Variants in TRDN observed in about 807,000 individuals in gnomAD.
TRDN encodes triadin in skeletal muscle.
In TRDN, 161 loss-of-function variants were observed where a neutral mutation model predicts 149.7. That is an observed-to-expected ratio of 1.08 (90% CI 0.95 to 1.23). TRDN has a LOEUF of 1.23. Among genes scored for constraint, TRDN ranks in the 50% most tolerant of loss-of-function variants. TRDN has a pLI of 0.00. For synonymous variants in TRDN, 294 were observed against 250.5 expected, an observed-to-expected ratio of 1.17 and a Z score of -1.64; for missense variants, 896 against 823.5, an observed-to-expected ratio of 1.09 and a Z score of -1.08.
intron 12 of TRDN, among the ~76,000 whole-genome samples, chr6:123,409,183 T>C (rs1283203740): frequency 6.6e-6 from 1 of 152,176 alleles, no homozygotes; most frequent in African/African-American, 2.4e-5. Context: ...TATCATATAG[T>C]CACTTAGTGA....
intron 7 of TRDN, among the ~76,000 whole-genome samples, chr6:123,510,874 C>G (rs879739128): frequency 6.6e-6 from 1 of 152,106 alleles, no homozygotes; most frequent in South Asian, 2.1e-4. Flanking sequence ...GAATTCCTGA[C>G]CTCAAGTGAT....
rs112648536 is a variant in TRDN, at chr6:123,430,218, C to T, written c.1051+7845G>A. Reference sequence around the variant, plus strand: ...CCAGGAGGTTGAGGCAGCAGTGAGGCGAGATTACACTACTGCATTAAAGCC... The same window carrying T: ...CCAGGAGGTTGAGGCAGCAGTGAGGTGAGATTACACTACTGCATTAAAGCC... On this transcript the variant is annotated intron_variant, in intron 12 of 40. Coordinates refer to ENST00000334268, the MANE Select transcript of TRDN (RefSeq NM_006073.4). Among the ~76,000 whole-genome samples the T allele has an allele frequency of 3.0e-3, 453 of 151,648 alleles. 1 individual carries two copies. The highest frequency in any genetic ancestry group is 0.011 in the African/African-American group (440 of 41,292).
At position 123,265,814 on chromosome 6, in the gene TRDN, C is replaced by T. The variant is rs140078922; in HGVS notation, c.1784-476G>A. Among the ~76,000 whole-genome samples the T allele has an allele frequency of 3.2e-3, 436 of 134,628 alleles. 2 individuals carry two copies. The highest frequency in any genetic ancestry group is 0.011 in the African/African-American group (406 of 35,790). The allele number at this position is 134,628 out of a possible 152,430, so 88.3% of individuals were successfully genotyped here. On this transcript the variant is annotated intron_variant, in intron 32 of 40. Transcript: ENST00000334268. ...ATCCCGTATGTTGAACAATAAGGTT[C>T]CTTTATAAAATCTCAAGAATGAATG...
rs75123491 is a variant in TRDN, at chr6:123,255,202, G to A, written c.1907-77C>T. On this transcript the variant is annotated intron_variant, in intron 36 of 40. Transcript: ENST00000334268. ...CATCAAAATTTTGTCTCACATCAAC[G>A]AATGAGGATAATTTAAGTGTTATAA... The A allele has an allele frequency of 6.3e-3, 4,108 of 649,822 alleles. 123 individuals carry two copies. The East Asian group carries it at 0.078, about 12-fold the overall frequency. 40.3% of individuals were successfully genotyped at this position (649,822 alleles called of 1,614,324 possible).
At chr6:123,629,590 C>T (rs1466774774) in intron 1 of TRDN, among the ~76,000 whole-genome samples, 2 of 152,090 alleles carry the variant, frequency 1.3e-5, no homozygotes, top group African/African-American at 4.8e-5. Context: ...AAACCACATG[C>T]CCTAGCTTCT....
chr6:123,416,894 G>T (rs6901820), intron 12 of TRDN, among the ~76,000 whole-genome samples: 18 of 151,884 alleles, frequency 1.2e-4, no homozygotes, highest in African/African-American at 4.3e-4. Context: ...ATAGAGATGG[G>T]GCTTCACCAT....
chr6:123,224,244 CA>C (rs1775271729), intron 38 of TRDN, 113 bp from the exon 39 acceptor site: 1 of 930,798 alleles, frequency 1.1e-6, no homozygotes, highest in African/African-American at 1.7e-5. Context: ...TCTACAAACT[CA>C]GCATCTACAG....
intron 10 of TRDN, chr6:123,439,708 A>G (rs940611496): frequency 2.0e-5 from 3 of 152,244 alleles, no homozygotes; most frequent in Admixed American, 6.5e-5. Context: ...CTGAGGGAGC[A>G]AAGACAGAGA....
chr6:123,601,011 A>G (rs969903210), intron 1 of TRDN, among the ~76,000 whole-genome samples: 1 of 152,126 alleles, frequency 6.6e-6, no homozygotes, highest in Non-Finnish European at 1.5e-5. Flanking sequence ...TTGGAAAAAC[A>G]TACATGTTGT....
chr6:123,478,597 AC>A (rs1045024928), intron 9 of TRDN, among the ~76,000 whole-genome samples: 1 of 152,070 alleles, frequency 6.6e-6, no homozygotes, highest in Non-Finnish European at 1.5e-5. Context: ...TAGTACAAAG[AC>A]CAAAGCTGAT....
chr6:123,559,971 C>T (rs1172594518), intron 2 of TRDN, among the ~76,000 whole-genome samples: 1 of 152,192 alleles, frequency 6.6e-6, no homozygotes, highest in African/African-American at 2.4e-5. Context: ...CAGCGAATTA[C>T]CTGGGCTGTA....
intron 4 of TRDN, among the ~76,000 whole-genome samples, chr6:123,535,182 T>C (rs1244397281): frequency 6.6e-6 from 1 of 152,144 alleles, no homozygotes; most frequent in Non-Finnish European, 1.5e-5. Flanking sequence ...GGAAAAAAAG[T>C]TACAATTATC....
chr6:123,237,528 G>A (rs878911253), intron 38 of TRDN, among the ~76,000 whole-genome samples: 5 of 152,288 alleles, frequency 3.3e-5, no homozygotes, highest in African/African-American at 7.2e-5. Context: ...GATTACAGGC[G>A]TGAGCCACTG....
At chr6:123,254,604 T>C (rs1776489359) in intron 37 of TRDN, among the ~76,000 whole-genome samples, 1 of 152,020 alleles carries the variant, frequency 6.6e-6, no homozygotes, top group Non-Finnish European at 1.5e-5. Context: ...GATCATTCTC[T>C]TTTTAAGAAA....
At chr6:123,247,691 T>C (rs1776233628) in intron 38 of TRDN, among the ~76,000 whole-genome samples, 2 of 152,156 alleles carry the variant, frequency 1.3e-5, no homozygotes, top group Non-Finnish European at 2.9e-5. Flanking sequence ...AATTTATGGA[T>C]TCAAAGCTAT....
intron 24 of TRDN, among the ~76,000 whole-genome samples, chr6:123,296,385 T>A (rs1778198181): frequency 6.6e-6 from 1 of 152,116 alleles, no homozygotes; most frequent in Non-Finnish European, 1.5e-5. Flanking sequence ...ACCACATATA[T>A]TCAATAAGAA....
rs1437128302 is a variant in TRDN, at chr6:123,342,325, A to G, written c.1370-4656T>C. ...AGATGAACTAGGATATCTTAGGGAC[A>G]GGGTTGGCTACTGAACCACTAAAGA... is the stretch of plus-strand genomic sequence containing the variant. On this transcript the variant is annotated intron_variant, in intron 21 of 40. Transcript: ENST00000334268. 2.0e-5 allele frequency among the ~76,000 whole-genome samples: 3 copies of G among 151,964 alleles called. No homozygotes were observed. The Admixed American group carries it at 2.0e-4, about 10-fold the overall frequency.
intron 1 of TRDN, among the ~76,000 whole-genome samples, chr6:123,616,740 C>A (rs1785107752): frequency 6.6e-6 from 1 of 152,152 alleles, no homozygotes; most frequent in African/African-American, 2.4e-5. Flanking sequence ...TCCTGCAAAC[C>A]TAACTTTATG....
At chr6:123,240,336 G>T (rs1224969604) in intron 38 of TRDN, among the ~76,000 whole-genome samples, 1 of 151,476 alleles carries the variant, frequency 6.6e-6, no homozygotes, top group Admixed American at 6.6e-5. Context: ...ATAAATGAAA[G>T]CTATGAAAAA....
Sources: allele counts gnomAD v4.1 joint callset (sites outside exome capture counted in the v4.1 genomes callset), GRCh38; gene constraint gnomAD v4.1.1; transcripts MANE v1.5; gene names NCBI Gene and HGNC (gene_info 2026-07-23, HGNC 2026-07-21).